The following THSD4 variants were observed in gnomAD, a reference collection of about 807,000 sequenced individuals.
THSD4 encodes the protein thrombospondin type-1 domain-containing protein 4.
In THSD4, 69 loss-of-function variants were observed where a neutral mutation model predicts 119.0. The observed-to-expected ratio is 0.58, with a 90% confidence interval of 0.48 to 0.71. THSD4 has a LOEUF of 0.71. Ranked by LOEUF, THSD4 falls within the 30% of genes least tolerant of loss-of-function variation. The pLI is 0.00. For missense variants in THSD4, 1,393 were observed against 1,391.1 expected (o/e 1.00, Z -0.02); for synonymous variants, 524 against 540.4 (o/e 0.97, Z 0.42).
chr15:71,194,966 G>A (rs569710155), intron 3 of THSD4, among the ~76,000 whole-genome samples: 5 of 152,178 alleles, frequency 3.3e-5, no homozygotes, highest in East Asian at 1.9e-4. Context: ...CTGGTGTTCC[G>A]AAGCCCAGCA....
At chr15:71,137,025 C>T (rs537873261) in intron 1 of THSD4, among the ~76,000 whole-genome samples, 1 of 152,262 alleles carries the variant, frequency 6.6e-6, no homozygotes, top group South Asian at 2.1e-4. Context: ...TGGCCTGAAC[C>T]AAATCAGGTG....
Position 71,197,526 on chromosome 15 carries a change from C to G in THSD4, c.100-17509C>G, listed in dbSNP as rs764376388. Among the ~76,000 whole-genome samples the G allele has an allele frequency of 7.9e-5, 12 of 152,328 alleles. 1 individual carries two copies. The highest frequency in any genetic ancestry group is 2.1e-4 in the South Asian group (1 of 4,822). ...CACTTTCATTTCCCAAGTTCAACGA[C>G]CAGACCCCCTTCCACAAGTTGGTAG... On this transcript the variant is annotated intron_variant, in intron 3 of 17. Transcript: ENST00000261862.
intron 7 of THSD4, among the ~76,000 whole-genome samples, chr15:71,491,689 G>A (rs1337436714): frequency 1.4e-5 from 2 of 147,734 alleles, no homozygotes; most frequent in Non-Finnish European, 3.0e-5. Flanking sequence ...TAGGCAAATA[G>A]GGAGACTCCA....
At chr15:71,554,197 C>T (rs1267592743) in intron 7 of THSD4, among the ~76,000 whole-genome samples, 1 of 150,780 alleles carries the variant, frequency 6.6e-6, no homozygotes, top group Non-Finnish European at 1.5e-5. Flanking sequence ...TCACGCCATT[C>T]TCCTGCCTCA....
chr15:71,114,297 C>T (rs2141347142), upstream of THSD4, among the ~76,000 whole-genome samples: 1 of 152,204 alleles, frequency 6.6e-6, no homozygotes, highest in East Asian at 1.9e-4. Flanking sequence ...GCACCCAGCC[C>T]TGGTGCTGCC....
Position 71,380,822 on chromosome 15 carries a change from C to T in THSD4, c.1016-30865C>T, listed in dbSNP as rs548991225. ...TTTGAAAAGCCAAGCTTGCCACCCA[C>T]CACTTAGGATGCCTCCAAACCAACT... On this transcript the variant is annotated intron_variant, in intron 6 of 17. Transcript: ENST00000261862. 3.3e-4 allele frequency among the ~76,000 whole-genome samples: 51 copies of T among 152,278 alleles called. 1 individual carries two copies. The highest frequency in any genetic ancestry group is 1.2e-3 in the African/African-American group (49 of 41,548).
At chr15:71,237,627 C>G (rs984969704) in intron 4 of THSD4, among the ~76,000 whole-genome samples, 1 of 152,138 alleles carries the variant, frequency 6.6e-6, no homozygotes, top group African/African-American at 2.4e-5. Flanking sequence ...TAGTGAGACC[C>G]CCGGGTGACT....
rs952829841 is a variant in THSD4, at chr15:71,194,006, C to G, written c.100-21029C>G. Among the ~76,000 whole-genome samples the G allele has an allele frequency of 3.9e-5, 6 of 152,186 alleles. No individual in the cohort carries two copies. In the South Asian group the frequency reaches 1.2e-3, roughly 31 times the overall value. The stretch of plus-strand genomic sequence containing the variant: ...GATTACAGGCGTGAGCCACCGCGCC[C>G]GGCCTGAGATCTGATGGTTTTATAA... On this transcript the variant is annotated intron_variant, in intron 3 of 17. Coordinates refer to ENST00000261862, the MANE Select transcript of THSD4 (RefSeq NM_024817.3).
intron 7 of THSD4, among the ~76,000 whole-genome samples, chr15:71,624,699 G>T (rs772466482): frequency 6.6e-6 from 1 of 152,088 alleles, no homozygotes; most frequent in Non-Finnish European, 1.5e-5. Context: ...GTCTAAAGAA[G>T]GCCATGGACT....
At chr15:71,189,530 C>T (rs1472938470) in intron 3 of THSD4, among the ~76,000 whole-genome samples, 2 of 152,076 alleles carry the variant, frequency 1.3e-5, no homozygotes, top group Admixed American at 6.5e-5. Flanking sequence ...ATTAGCCAGG[C>T]GCAGTGGCGG....
At chr15:71,366,611 T>C (rs2045969233) in intron 6 of THSD4, among the ~76,000 whole-genome samples, 1 of 152,150 alleles carries the variant, frequency 6.6e-6, no homozygotes, top group Non-Finnish European at 1.5e-5. Context: ...GCCCTCTCAG[T>C]TGGGGTCAGT....
chr15:71,774,272 C>T (rs1409399464), intron 17 of THSD4, among the ~76,000 whole-genome samples: 1 of 147,838 alleles, frequency 6.8e-6, no homozygotes, highest in Non-Finnish European at 1.5e-5. Flanking sequence ...GATCGCACTA[C>T]TGCACTCCAG....
chr15:71,360,026 T>C (rs2045871314), intron 6 of THSD4, among the ~76,000 whole-genome samples: 1 of 152,142 alleles, frequency 6.6e-6, no homozygotes, highest in Admixed American at 6.6e-5. Context: ...GTTCTGGAGG[T>C]TGACTGCACT....
chr15:71,635,641 C>A (rs1032304617), intron 7 of THSD4, among the ~76,000 whole-genome samples: 1 of 152,068 alleles, frequency 6.6e-6, no homozygotes, highest in Non-Finnish European at 1.5e-5. Context: ...TAATTAATGG[C>A]AAATCAAAAA....
At chr15:71,214,967 T>C (rs2043918391) in intron 3 of THSD4, 68 bp from the exon 4 acceptor site, 1 of 1,219,800 alleles carries the variant, frequency 8.2e-7, no homozygotes, top group Non-Finnish European at 1.0e-6. Flanking sequence ...AAGTCGACCC[T>C]GCTCAAAGCT....
At chr15:71,252,120 T>C (rs1283603249) in intron 5 of THSD4, among the ~76,000 whole-genome samples, 2 of 152,192 alleles carry the variant, frequency 1.3e-5, no homozygotes, top group Non-Finnish European at 2.9e-5. Context: ...TCTATCTACA[T>C]GGCTTTTCCC....
chr15:71,723,357 G>A (rs1427638253), intron 8 of THSD4, among the ~76,000 whole-genome samples: 1 of 152,194 alleles, frequency 6.6e-6, no homozygotes, highest in African/African-American at 2.4e-5. Flanking sequence ...TGGATGGTCA[G>A]GATGATCCCA....
At chr15:71,214,940 A>G in intron 3 of THSD4, 95 bp from the exon 4 acceptor site, 1 of 1,207,134 alleles carries the variant, frequency 8.3e-7, no homozygotes, top group Non-Finnish European at 1.0e-6. Flanking sequence ...GACTGTGCCT[A>G]CTTGTGCCTG....
chr15:71,519,173 G>A (rs567855706), intron 7 of THSD4, among the ~76,000 whole-genome samples: 14 of 152,144 alleles, frequency 9.2e-5, no homozygotes, highest in Admixed American at 7.9e-4. Context: ...AACAGCAAGC[G>A]CAAAGGCCCT....
Sources: gnomAD v4.1 joint callset for allele counts (sites outside exome capture counted in the v4.1 genomes callset) on GRCh38, gnomAD v4.1.1 for gene constraint, MANE v1.5 for transcripts, NCBI Gene and HGNC (gene_info 2026-07-23, HGNC 2026-07-21) for gene names.